Variants in CLVS1 observed in about 807,000 individuals in gnomAD.
The protein encoded by CLVS1 is clavesin-1.
In CLVS1, 10 loss-of-function variants were observed where a neutral mutation model predicts 33.1. The observed-to-expected ratio is 0.30, with a 90% CI of 0.19 to 0.51. The LOEUF (loss-of-function observed/expected upper bound fraction) is 0.51, where lower values mean the gene tolerates loss of function less well. CLVS1 is among the 20% of genes least tolerant of loss of function. CLVS1 has a pLI of 0.97. For synonymous variants in CLVS1, 163 were observed against 166.1 expected, an observed-to-expected ratio of 0.98 and a Z score of 0.14; for missense variants, 343 against 433.4, an observed-to-expected ratio of 0.79 and a Z score of 1.85.
intron 1 of CLVS1, chr8:61,292,090 C>T (rs1810013116): frequency 6.8e-6 from 2 of 293,140 alleles, no homozygotes; most frequent in Non-Finnish European, 6.8e-6. Flanking sequence ...GCATGGACCA[C>T]CCTTTGAGAA....
At chr8:61,133,936 T>C (rs1327555293) in intron 2 of CLVS1, among the ~76,000 whole-genome samples, 12 of 152,042 alleles carry the variant, frequency 7.9e-5, no homozygotes, top group Non-Finnish European at 1.8e-4. Flanking sequence ...GTAAGGTATA[T>C]AGGAGAAGGT....
intron 2 of CLVS1, among the ~76,000 whole-genome samples, chr8:61,334,352 C>A (rs1414509431): frequency 6.6e-6 from 1 of 152,162 alleles, no homozygotes; most frequent in Non-Finnish European, 1.5e-5. Context: ...GTTTAGCTAA[C>A]CATTTATAAG....
chr8:61,399,418 G>A (rs919236556), intron 3 of CLVS1, among the ~76,000 whole-genome samples: 3 of 152,014 alleles, frequency 2.0e-5, no homozygotes, highest in Admixed American at 2.0e-4. Flanking sequence ...GTAAATTTGT[G>A]TAAGTTCCTT....
At chr8:61,216,371 A>G (rs2129308538) in intron 2 of CLVS1, among the ~76,000 whole-genome samples, 1 of 152,316 alleles carries the variant, frequency 6.6e-6, no homozygotes, top group African/African-American at 2.4e-5. Context: ...TGCTCTTGAG[A>G]TATATCTGTT....
intron 5 of CLVS1, 21 bp downstream of exon 5, chr8:61,458,563 G>GCCC (rs33963114): frequency 6.5e-6 from 8 of 1,234,972 alleles, no homozygotes; most frequent in East Asian, 2.8e-5. Flanking sequence ...GGTTATCAGA[G>GCCC]CCCCCCCCCC....
intron 2 of CLVS1, among the ~76,000 whole-genome samples, chr8:61,193,980 TAA>T (rs1180614112): frequency 2.0e-5 from 3 of 152,090 alleles, no homozygotes; most frequent in Non-Finnish European, 4.4e-5. Flanking sequence ...TGTCTTGGAT[TAA>T]AGTTATTAAT....
chr8:61,017,417 G>A, the CLVS1 span, among the ~76,000 whole-genome samples: 3 of 152,226 alleles, frequency 2.0e-5, no homozygotes, highest in Non-Finnish European at 2.9e-5. Context: ...GCAAGAAGCC[G>A]GGTGCGTTCT....
chr8:61,021,240 C>T, the CLVS1 span, among the ~76,000 whole-genome samples: 1 of 152,226 alleles, frequency 6.6e-6, no homozygotes, highest in African/African-American at 2.4e-5. Flanking sequence ...ACAATAACTT[C>T]TCTTTTCATG....
At chr8:61,261,728 G>A (rs1809206632) in intron 2 of CLVS1, among the ~76,000 whole-genome samples, 1 of 152,120 alleles carries the variant, frequency 6.6e-6, no homozygotes, top group South Asian at 2.1e-4. Context: ...ACCAGGAAGG[G>A]GCCCTCATAA....
intron 2 of CLVS1, among the ~76,000 whole-genome samples, chr8:61,322,941 A>G (rs1433179567): frequency 1.3e-5 from 2 of 152,144 alleles, no homozygotes; most frequent in Admixed American, 6.6e-5. Flanking sequence ...TTTTACTGCT[A>G]TGTCTCTTGT....
chr8:61,355,861 C>T (rs1470545289), intron 2 of CLVS1, among the ~76,000 whole-genome samples: 1 of 152,176 alleles, frequency 6.6e-6, no homozygotes, highest in Non-Finnish European at 1.5e-5. Context: ...GTGAATAGTG[C>T]CGCAATAAAC....
intron 5 of CLVS1, among the ~76,000 whole-genome samples, chr8:61,496,680 A>T (rs1209516331): frequency 5.9e-5 from 9 of 152,142 alleles, no homozygotes; most frequent in African/African-American, 2.2e-4. Flanking sequence ...GTAGAAATAA[A>T]TTTTTTTGAG....
At chr8:61,037,733 G>A in the CLVS1 span, among the ~76,000 whole-genome samples, 6 of 152,188 alleles carry the variant, frequency 3.9e-5, no homozygotes, top group East Asian at 1.9e-4. Flanking sequence ...CGCTATCTCC[G>A]AGTGCCAGGT....
At chr8:61,275,602 A>C (rs1809547943) in intron 2 of CLVS1, among the ~76,000 whole-genome samples, 1 of 152,230 alleles carries the variant, frequency 6.6e-6, no homozygotes, top group Non-Finnish European at 1.5e-5. Context: ...TTAGTTCGAA[A>C]GGTTGAAGAA....
chr8:61,243,760 A>C (rs1424058985), intron 2 of CLVS1, among the ~76,000 whole-genome samples: 1 of 152,122 alleles, frequency 6.6e-6, no homozygotes, highest in Non-Finnish European at 1.5e-5. Context: ...CAATTATTTT[A>C]GCCTTTTAAG....
intron 2 of CLVS1, among the ~76,000 whole-genome samples, chr8:61,363,906 G>T (rs1261605838): frequency 6.6e-6 from 1 of 152,152 alleles, no homozygotes; most frequent in Non-Finnish European, 1.5e-5. Context: ...GGCGCCATGG[G>T]TGTGTCTGTG....
chr8:61,086,088 G>T (rs1054016800), intron 1 of CLVS1, among the ~76,000 whole-genome samples: 2 of 140,892 alleles, frequency 1.4e-5, no homozygotes, highest in East Asian at 2.1e-4. Flanking sequence ...TTAGCTTGTT[G>T]TGGTGGTGTG....
chr8:61,376,120 T>G (rs1210351907), intron 2 of CLVS1, among the ~76,000 whole-genome samples: 1 of 152,190 alleles, frequency 6.6e-6, no homozygotes, highest in African/African-American at 2.4e-5. Flanking sequence ...CTTAGCAGGA[T>G]TTTTTAAACA....
In CLVS1 at chr8:61,148,218, C is replaced by T. The variant is rs536973724; in HGVS notation, c.-152+16358C>T. Among the ~76,000 whole-genome samples the T allele has an allele frequency of 7.2e-5, 11 of 152,308 alleles. No homozygotes were observed. In the East Asian group the frequency reaches 1.7e-3, roughly 24 times the overall value. The stretch of plus-strand genomic sequence containing the variant: ...TATTTCTCACTTATGTGGACTGTCT[C>T]GTAATATTGTTAGCTGGATCAGTAA... On this transcript the variant is annotated intron_variant, in intron 2 of 2. Coordinates refer to the CLVS1 transcript ENST00000522621.
Sources: allele counts gnomAD v4.1 joint callset (sites outside exome capture counted in the v4.1 genomes callset), GRCh38; gene constraint gnomAD v4.1.1; transcripts MANE v1.5; gene names NCBI Gene and HGNC (gene_info 2026-07-23, HGNC 2026-07-21).